FOCAD: variants seen among roughly 807,000 people sequenced by gnomAD.
FOCAD encodes the protein focadhesin, also known as KIAA1797.
A neutral mutation model predicts 225.6 loss-of-function variants in FOCAD; 198 were observed. The ratio of observed to expected loss-of-function variants is 0.88; its 90% CI spans 0.78 to 0.99. FOCAD has a LOEUF of 0.99. Among genes scored for constraint, FOCAD ranks in the 50% least tolerant of loss-of-function variants. The pLI is 0.00. For missense variants in FOCAD, 2,713 were observed against 2,123.6 expected (o/e 1.28, Z -5.46); for synonymous variants, 897 against 755.0 (o/e 1.19, Z -3.08).
intron 28 of FOCAD, among the ~76,000 whole-genome samples, chr9:20,933,567 G>C (rs754080156): frequency 6.6e-6 from 1 of 151,092 alleles, no homozygotes; most frequent in Non-Finnish European, 1.5e-5. Context: ...CATCGTGTGT[G>C]TGTATGTGTG....
rs200251821 is a variant in FOCAD, at chr9:20,946,073, T to TTTTA, written c.3556-621_3556-618dup. 6.4e-3 allele frequency among the ~76,000 whole-genome samples: 684 copies of TTTTA among 106,080 alleles called. 3 individuals are homozygous for TTTTA. The highest frequency in any genetic ancestry group is 8.7e-3 in the Non-Finnish European group (439 of 50,358). The allele number at this position is 106,080 out of a possible 152,430, so 69.6% of individuals were successfully genotyped here. A position where few individuals can be genotyped will look rare whatever the true frequency, so the allele number is the denominator to read the frequency against. ...TTCCCACCATTGTTTTTTACCCATA[T>TTTTA]TTTATTTATTCATTCATTCATTCAT... On this transcript the variant is annotated intron_variant, in intron 29 of 43. Transcript: ENST00000338382.
At chr9:20,956,570 CT>C in intron 35 of FOCAD, among the ~76,000 whole-genome samples, 1 of 152,132 alleles carries the variant, frequency 6.6e-6, no homozygotes, top group Admixed American at 6.6e-5. Flanking sequence ...AAAGTAATGA[CT>C]TTACATGCAA....
At chr9:20,944,218 G>A (rs1429114403) in intron 28 of FOCAD, among the ~76,000 whole-genome samples, 1 of 152,144 alleles carries the variant, frequency 6.6e-6, no homozygotes, top group East Asian at 1.9e-4. Context: ...CTGAATTTTA[G>A]TCTTTTCTCT....
At chr9:20,850,091 A>C (rs966882261) in intron 15 of FOCAD, among the ~76,000 whole-genome samples, 1 of 151,818 alleles carries the variant, frequency 6.6e-6, no homozygotes, top group East Asian at 1.9e-4. Context: ...AGCAATAATC[A>C]TAACAATGAT....
chr9:20,762,946 G>T (rs954691942), intron 6 of FOCAD, among the ~76,000 whole-genome samples: 7 of 152,106 alleles, frequency 4.6e-5, no homozygotes, highest in South Asian at 2.1e-4. Flanking sequence ...CGTTTCTTCC[G>T]TGAAGCAATT....
At chr9:20,944,373 C>A (rs1836966609) in intron 28 of FOCAD, among the ~76,000 whole-genome samples, 1 of 152,054 alleles carries the variant, frequency 6.6e-6, no homozygotes, top group Non-Finnish European at 1.5e-5. Context: ...CTATTTCCTG[C>A]CTTTTGTTTT....
intron 35 of FOCAD, among the ~76,000 whole-genome samples, chr9:20,972,379 GT>G (rs1310472121): frequency 1.3e-5 from 2 of 151,870 alleles, no homozygotes; most frequent in Admixed American, 6.6e-5. Context: ...ATTTGGTTTG[GT>G]TTTTTTCCTT....
At chr9:20,971,628 A>G (rs1839775500) in intron 35 of FOCAD, among the ~76,000 whole-genome samples, 1 of 152,030 alleles carries the variant, frequency 6.6e-6, no homozygotes, top group Non-Finnish European at 1.5e-5. Context: ...TTTAGTAGAG[A>G]TGAGATGGAA....
chr9:20,969,711 A>T (rs199733452), intron 35 of FOCAD, among the ~76,000 whole-genome samples: 61 of 147,984 alleles, frequency 4.1e-4, no homozygotes, highest in Non-Finnish European at 7.4e-4. Flanking sequence ...AATATAAAAA[A>T]ATATATATAT....
chr9:20,815,927 T>A (rs1823684383), intron 11 of FOCAD, among the ~76,000 whole-genome samples: 1 of 152,176 alleles, frequency 6.6e-6, no homozygotes, highest in South Asian at 2.1e-4. Context: ...TTTCCACAGA[T>A]GTCTATCTAT....
chr9:20,719,819 G>A (rs1277017960), intron 3 of FOCAD, among the ~76,000 whole-genome samples: 2 of 133,110 alleles, frequency 1.5e-5, no homozygotes, highest in African/African-American at 5.6e-5. Flanking sequence ...CATGGACTGA[G>A]CAGCTTGCTG....
At chr9:20,793,514 G>T (rs1370113212) in intron 11 of FOCAD, among the ~76,000 whole-genome samples, 1 of 152,118 alleles carries the variant, frequency 6.6e-6, no homozygotes, top group East Asian at 1.9e-4. Flanking sequence ...ATTACTGATG[G>T]TTCTCATTGA....
intron 23 of FOCAD, among the ~76,000 whole-genome samples, chr9:20,913,342 G>T (rs1204586271): frequency 6.6e-6 from 1 of 151,704 alleles, no homozygotes; most frequent in African/African-American, 2.4e-5. Context: ...CCCCTCCTCT[G>T]CTCCCCTCTT....
rs1841714348 is a variant in FOCAD, at chr9:20,991,978, G to A, written c.5257-1275G>A. Among the ~76,000 whole-genome samples, 2 of 152,104 alleles carry A rather than the reference G, an allele frequency of 1.3e-5. 1 individual carries two copies. The highest frequency in any genetic ancestry group is 2.9e-5 in the Non-Finnish European group (2 of 68,012). On this transcript the variant is annotated intron_variant, in intron 42 of 43. Coordinates refer to ENST00000338382, the MANE Select transcript of FOCAD (RefSeq NM_001375567.1). ...CGGTTGGATATTATAGCACAAAACT[G>A]AGAAAAGGAAAATCAACAAAGAAAA...
rs1238077810 is a variant in FOCAD at position 20,995,659 on chromosome 9, A to G, written c.*30A>G. 1 of 1,585,632 alleles carries G rather than the reference A, an allele frequency of 6.3e-7. No individual in the cohort carries two copies. Among genetic ancestry groups the G allele is most frequent in the Non-Finnish European group, 8.7e-7 (1 of 1,155,326 alleles). On this transcript the variant is annotated 3_prime_UTR_variant, in exon 44 of 44. Transcript: ENST00000338382. ...TTTTGCAGTAACCAGCAGCATTCTC[A>G]GCTGGATGAGGAAAACCATATAAGT... is the stretch of plus-strand genomic sequence containing the variant.
At chr9:20,696,870 AGGTGATTGTCATGAG>A (rs1047443088) in intron 1 of FOCAD, among the ~76,000 whole-genome samples, 38 of 152,122 alleles carry the variant, frequency 2.5e-4, no homozygotes, top group Non-Finnish European at 1.9e-4. Flanking sequence ...AATTGTTAAG[AGGTGATTGTCATGAG>A]GGTGCTACCC....
At chr9:20,774,363 G>A (rs894754162) in intron 8 of FOCAD, among the ~76,000 whole-genome samples, 1 of 152,192 alleles carries the variant, frequency 6.6e-6, no homozygotes, top group Admixed American at 6.5e-5. Context: ...TATGATGTTA[G>A]TAGTTGTTGG....
intron 21 of FOCAD, among the ~76,000 whole-genome samples, chr9:20,903,315 T>A (rs1832701289): frequency 6.6e-6 from 1 of 151,940 alleles, no homozygotes; most frequent in Non-Finnish European, 1.5e-5. Context: ...CATAGTTAAA[T>A]GTTTGAAAAT....
intron 16 of FOCAD, chr9:20,863,461 T>C (rs1316652686): frequency 6.6e-6 from 1 of 152,148 alleles, no homozygotes; most frequent in Non-Finnish European, 1.5e-5. Context: ...CTTCAACTCA[T>C]TCTAAATGCT....
Sources: gnomAD v4.1 joint callset for allele counts (sites outside exome capture counted in the v4.1 genomes callset) on GRCh38, gnomAD v4.1.1 for gene constraint, MANE v1.5 for transcripts, NCBI Gene and HGNC (gene_info 2026-07-23, HGNC 2026-07-21) for gene names.